PSPC1: variants seen among roughly 807,000 people sequenced by gnomAD.
The protein encoded by PSPC1 is paraspeckle protein 1.
PSPC1 carries 14 observed loss-of-function variants against 51.6 expected under a neutral mutation model. The ratio of observed to expected loss-of-function variants is 0.27; its 90% confidence interval spans 0.18 to 0.42. The LOEUF (loss-of-function observed/expected upper bound fraction) is 0.42. PSPC1 is among the 10% of genes least tolerant of loss of function. PSPC1 has a pLI of 1.00. For synonymous variants in PSPC1, 193 were observed against 231.9 expected, an observed-to-expected ratio of 0.83 and a Z score of 1.53; for missense variants, 406 against 701.1, an observed-to-expected ratio of 0.58 and a Z score of 4.75.
At chr13:19,749,434 C>T (rs776260798) in intron 4 of PSPC1, among the ~76,000 whole-genome samples, 4 of 149,462 alleles carry the variant, frequency 2.7e-5, no homozygotes, top group African/African-American at 7.4e-5. Flanking sequence ...GGGTGAGGCA[C>T]GAGAATTGCC....
intron 6 of PSPC1, among the ~76,000 whole-genome samples, chr13:19,688,021 T>C (rs1878124652): frequency 6.6e-6 from 1 of 152,102 alleles, no homozygotes; most frequent in African/African-American, 2.4e-5. Flanking sequence ...GAAACAGATA[T>C]AGCTCATTTG....
In PSPC1 at chr13:19,741,916, G is replaced by A. The variant is rs148050136; in HGVS notation, c.968-267C>T. 4.3e-3 allele frequency among the ~76,000 whole-genome samples: 652 copies of A among 152,010 alleles called. 2 individuals are homozygous for A. Among genetic ancestry groups the A allele is most frequent in the African/African-American group, 0.015 (617 of 41,448 alleles). On this transcript the variant is annotated intron_variant, in intron 4 of 8. Transcript: ENST00000338910. Reference sequence around the variant, plus strand: ...GGAGGCCAAGGCAGGCGTATCACTCGAGGCCAGGAGTTTGAGACCAGCCTG... The same window carrying A: ...GGAGGCCAAGGCAGGCGTATCACTCAAGGCCAGGAGTTTGAGACCAGCCTG...
chr13:19,696,481 C>G (rs976490780), intron 6 of PSPC1, among the ~76,000 whole-genome samples: 2 of 149,408 alleles, frequency 1.3e-5, no homozygotes, highest in African/African-American at 5.0e-5. Context: ...TTTGAGTAGG[C>G]CTTTATCACA....
intron 6 of PSPC1, among the ~76,000 whole-genome samples, chr13:19,724,974 G>A (rs568915938): frequency 6.6e-6 from 1 of 151,640 alleles, no homozygotes; most frequent in South Asian, 2.1e-4. Flanking sequence ...ACTCCAGCCT[G>A]GCGAGACAGC....
chr13:19,681,115 T>C (rs1340631856), intron 6 of PSPC1, among the ~76,000 whole-genome samples: 1 of 152,020 alleles, frequency 6.6e-6, no homozygotes, highest in Admixed American at 6.6e-5. Flanking sequence ...CTTGGGAGGC[T>C]GAGATGGGAG....
At chr13:19,678,851 G>C (rs370580612) in intron 6 of PSPC1, 86 of 152,318 alleles carry the variant, frequency 5.6e-4, no homozygotes, top group African/African-American at 1.9e-3. Flanking sequence ...CATCTTCCCA[G>C]GCTCAAGCAA....
At chr13:19,697,070 C>T (rs1320450245) in intron 6 of PSPC1, among the ~76,000 whole-genome samples, 1 of 152,148 alleles carries the variant, frequency 6.6e-6, no homozygotes, top group Non-Finnish European at 1.5e-5. Context: ...ATCCAATCTA[C>T]AGTGTACTGG....
At chr13:19,775,809 G>A (rs1889056435) in intron 1 of PSPC1, among the ~76,000 whole-genome samples, 1 of 152,056 alleles carries the variant, frequency 6.6e-6, no homozygotes, top group African/African-American at 2.4e-5. Flanking sequence ...CCAACACTTT[G>A]GGAGGCCGAG....
intron 6 of PSPC1, among the ~76,000 whole-genome samples, chr13:19,693,694 G>GA (rs1358250795): frequency 6.6e-6 from 1 of 152,180 alleles, no homozygotes; most frequent in African/African-American, 2.4e-5. Context: ...GTAACAAAGT[G>GA]AAAGGGGTGT....
At chr13:19,686,777 T>A (rs147761726) in intron 6 of PSPC1, among the ~76,000 whole-genome samples, 5 of 152,342 alleles carry the variant, frequency 3.3e-5, no homozygotes, top group South Asian at 4.1e-4. Context: ...TCAAGGAGGA[T>A]CTGAATGATG....
intron 4 of PSPC1, among the ~76,000 whole-genome samples, chr13:19,745,438 T>C (rs1386707002): frequency 4.6e-5 from 7 of 152,096 alleles, no homozygotes; most frequent in Non-Finnish European, 1.0e-4. Flanking sequence ...ATAAACAAAC[T>C]AAAATTTTGA....
chr13:19,746,977 G>A (rs1368890367), intron 4 of PSPC1, among the ~76,000 whole-genome samples: 5 of 151,882 alleles, frequency 3.3e-5, no homozygotes, highest in Admixed American at 1.3e-4. Context: ...GCGTGGTGGC[G>A]CATGCCTGTA....
intron 6 of PSPC1, chr13:19,678,676 A>AATTT (rs1206894214): frequency 6.6e-6 from 1 of 152,190 alleles, no homozygotes; most frequent in Admixed American, 6.5e-5. Context: ...GACTGCCTGC[A>AATTT]AGTAAAGGGG....
At chr13:19,696,682 C>T (rs1355687010) in intron 6 of PSPC1, among the ~76,000 whole-genome samples, 1 of 152,176 alleles carries the variant, frequency 6.6e-6, no homozygotes, top group Non-Finnish European at 1.5e-5. Context: ...ACCAAACTAT[C>T]ATTCTATTCA....
At chr13:19,736,355 G>C (rs1016364588) in intron 5 of PSPC1, among the ~76,000 whole-genome samples, 7 of 151,942 alleles carry the variant, frequency 4.6e-5, no homozygotes, top group African/African-American at 1.7e-4. Context: ...CCTGTATACT[G>C]AGATTACATA....
chr13:19,705,999 CTA>C (rs1880607486), intron 7 of PSPC1, among the ~76,000 whole-genome samples, 168 bp from the exon 8 acceptor site: 1 of 152,188 alleles, frequency 6.6e-6, no homozygotes, highest in African/African-American at 2.4e-5. Flanking sequence ...TACCTACACT[CTA>C]GAATTAGAAT....
intron 5 of PSPC1, among the ~76,000 whole-genome samples, chr13:19,736,502 T>C (rs1221434773): frequency 6.6e-6 from 1 of 151,668 alleles, no homozygotes; most frequent in Non-Finnish European, 1.5e-5. Flanking sequence ...GCTAACACAG[T>C]GAAACCCCAT....
chr13:19,739,671 A>T (rs1885218620), intron 5 of PSPC1, among the ~76,000 whole-genome samples: 1 of 152,054 alleles, frequency 6.6e-6, no homozygotes, highest in Admixed American at 6.6e-5. Context: ...GGGACCTGGG[A>T]GGCAGAGGTT....
At chr13:19,743,194 A>T (rs141612273) in intron 4 of PSPC1, among the ~76,000 whole-genome samples, 1 of 152,348 alleles carries the variant, frequency 6.6e-6, no homozygotes, top group Admixed American at 6.5e-5. Flanking sequence ...CATATATTTT[A>T]AAATAATAAA....
Sources: gnomAD v4.1 joint callset for allele counts (sites outside exome capture counted in the v4.1 genomes callset) on GRCh38, gnomAD v4.1.1 for gene constraint, MANE v1.5 for transcripts, NCBI Gene and HGNC (gene_info 2026-07-23, HGNC 2026-07-21) for gene names.